SLC17A1: variants seen among roughly 807,000 people sequenced by gnomAD.
SLC17A1 encodes the protein sodium-dependent phosphate transport protein 1.
SLC17A1 carries 51 observed loss-of-function variants against 53.5 expected under a neutral mutation model. That is an observed-to-expected ratio of 0.95 (90% confidence interval 0.76 to 1.20). SLC17A1 has a LOEUF of 1.20. SLC17A1 is among the 50% of genes most tolerant of loss of function. The pLI, the probability that SLC17A1 is intolerant of heterozygous loss-of-function variation, is 0.00. For synonymous variants in SLC17A1, 179 were observed against 198.8 expected (o/e 0.90, Z 0.84); for missense variants, 538 against 568.2 (o/e 0.95, Z 0.54).
At position 25,826,525 on chromosome 6, in the gene SLC17A1, A is replaced by T. The variant is rs1581501717; in HGVS notation, c.143T>A (p.Val48Glu). 2 of 1,612,724 alleles carry T rather than the reference A, an allele frequency of 1.2e-6. No individual in the cohort carries two copies. The highest frequency in any genetic ancestry group is 8.5e-7 in the Non-Finnish European group (1 of 1,179,126). Reference sequence around the variant, plus strand: ...CAAACCATGTGGATCTGTGCTATTCACCATGACTACCATTGTGAGGTTCAG... The same window carrying T: ...CAAACCATGTGGATCTGTGCTATTCTCCATGACTACCATTGTGAGGTTCAG... ...ACLNLTMVVMVNSTDPHGLPN... is the reference protein window; with the variant it reads ...ACLNLTMVVMENSTDPHGLPN... Residue 48 changes from valine to glutamate, a missense_variant, in exon 3 of 13, where the codon GTG becomes GAG. Coordinates refer to ENST00000244527, the MANE Select transcript of SLC17A1 (RefSeq NM_005074.5).
chr6:25,755,432 C>T, the SLC17A1 span, among the ~76,000 whole-genome samples: 1 of 152,120 alleles, frequency 6.6e-6, no homozygotes, highest in African/African-American at 2.4e-5. Context: ...AGTGCTGAGA[C>T]CACCTAAGAT....
rs141286313 is a variant in SLC17A1 at position 25,784,133 on chromosome 6, T to C, written c.*3-915A>G. On this transcript the variant is annotated intron_variant, in intron 12 of 12. Coordinates refer to ENST00000244527, the MANE Select transcript of SLC17A1 (RefSeq NM_005074.5). The stretch of plus-strand genomic sequence containing the variant: ...TATTAAAACATGGCGTCCATACAAA[T>C]AGACATTTTCTGGGTTTTCCAGTGG... Among the ~76,000 whole-genome samples the C allele has an allele frequency of 4.0e-3, 615 of 152,320 alleles. 3 individuals carry two copies. Among genetic ancestry groups the C allele is most frequent in the African/African-American group, 0.014 (602 of 41,582 alleles).
At chr6:25,725,298 G>A in the SLC17A1 span, among the ~76,000 whole-genome samples, 2 of 152,070 alleles carry the variant, frequency 1.3e-5, no homozygotes. Flanking sequence ...CACATATGGC[G>A]TAAGGCTTCT....
At chr6:25,804,230 C>T (rs1266861607) in intron 10 of SLC17A1, among the ~76,000 whole-genome samples, 1 of 152,132 alleles carries the variant, frequency 6.6e-6, no homozygotes, top group Non-Finnish European at 1.5e-5. Flanking sequence ...GGATTGAGGT[C>T]TTATCTAAGC....
At chr6:25,728,021 C>T in the SLC17A1 span, among the ~76,000 whole-genome samples, 1 of 151,778 alleles carries the variant, frequency 6.6e-6, no homozygotes, top group African/African-American at 2.4e-5. Flanking sequence ...AAAAACAAAA[C>T]AAAAAAACCC....
chr6:25,725,391 A>G, the SLC17A1 span, among the ~76,000 whole-genome samples: 1 of 152,248 alleles, frequency 6.6e-6, no homozygotes, highest in Non-Finnish European at 1.5e-5. Flanking sequence ...TCAAATATAT[A>G]TGCTTACCCA....
At chr6:25,768,052 T>G in the SLC17A1 span, among the ~76,000 whole-genome samples, 2 of 152,164 alleles carry the variant, frequency 1.3e-5, no homozygotes, top group Non-Finnish European at 2.9e-5. Context: ...TAGAAGACAA[T>G]CCTACAAATG....
chr6:25,779,000 C>A (rs936844438), downstream of SLC17A1: 26 of 1,600,454 alleles, frequency 1.6e-5, no homozygotes, highest in Admixed American at 3.4e-5. Context: ...CTTTCTGAAC[C>A]AAGAGGGACA....
At chr6:25,791,503 A>T (rs577546723) in intron 12 of SLC17A1, among the ~76,000 whole-genome samples, 1 of 152,360 alleles carries the variant, frequency 6.6e-6, no homozygotes, top group South Asian at 2.1e-4. Context: ...ATTTTAAGTC[A>T]GAGAGGAAAA....
At chr6:25,726,813 T>G in the SLC17A1 span, 1 of 1,408,166 alleles carries the variant, frequency 7.1e-7, no homozygotes, top group African/African-American at 1.4e-5. Context: ...CTGAGGTCAT[T>G]TGGAGCTGTT....
the SLC17A1 span, among the ~76,000 whole-genome samples, chr6:25,766,194 T>C: frequency 3.0e-4 from 45 of 151,198 alleles, 1 homozygote; most frequent in Middle Eastern, 6.9e-3. Context: ...ATGTTTCTAA[T>C]TTATAAATAT....
chr6:25,817,236 A>T (rs1483390115), intron 6 of SLC17A1, among the ~76,000 whole-genome samples: 1 of 152,220 alleles, frequency 6.6e-6, no homozygotes, highest in Admixed American at 6.5e-5. Flanking sequence ...GCTTAAATAC[A>T]GTTATTGTCG....
At chr6:25,815,717 C>T (rs1196274671) in intron 6 of SLC17A1, among the ~76,000 whole-genome samples, 1 of 152,146 alleles carries the variant, frequency 6.6e-6, no homozygotes, top group Non-Finnish European at 1.5e-5. Context: ...GGCCTCGGAA[C>T]TTCCACTCTC....
At chr6:25,804,218 AG>A (rs1763881191) in intron 10 of SLC17A1, among the ~76,000 whole-genome samples, 1 of 152,200 alleles carries the variant, frequency 6.6e-6, no homozygotes, top group African/African-American at 2.4e-5. Flanking sequence ...ACAAGCCAGA[AG>A]GGATTGAGGT....
chr6:25,727,170 C>T, the SLC17A1 span: 4 of 1,614,164 alleles, frequency 2.5e-6, no homozygotes, highest in Non-Finnish European at 2.5e-6. Context: ...CTACAGCAAG[C>T]GCTCCACCAT....
At chr6:25,814,707 G>A (rs1226743158) in intron 6 of SLC17A1, among the ~76,000 whole-genome samples, 1 of 152,186 alleles carries the variant, frequency 6.6e-6, no homozygotes, top group African/African-American at 2.4e-5. Flanking sequence ...GAATGGGCTG[G>A]GCATGGTGGC....
chr6:25,822,898 A>T (rs1017069704), intron 3 of SLC17A1, among the ~76,000 whole-genome samples: 34 of 152,164 alleles, frequency 2.2e-4, no homozygotes, highest in African/African-American at 7.7e-4. Flanking sequence ...TATCACCACA[A>T]TTAAGACAGT....
At chr6:25,829,912 C>A (rs1455123101) in intron 2 of SLC17A1, among the ~76,000 whole-genome samples, 1 of 151,892 alleles carries the variant, frequency 6.6e-6, no homozygotes, top group Non-Finnish European at 1.5e-5. Flanking sequence ...ATTAAATGGA[C>A]AACTTAAACA....
At chr6:25,723,805 G>GA in the SLC17A1 span, among the ~76,000 whole-genome samples, 8 of 152,214 alleles carry the variant, frequency 5.3e-5, no homozygotes, top group African/African-American at 1.9e-4. Flanking sequence ...TGTTGGGGGG[G>GA]AAAATAAGTC....
Sources: allele counts gnomAD v4.1 joint callset (sites outside exome capture counted in the v4.1 genomes callset), GRCh38; gene constraint gnomAD v4.1.1; transcripts MANE v1.5; gene names NCBI Gene and HGNC (gene_info 2026-07-23, HGNC 2026-07-21).